The following TGFB2 variants were observed in gnomAD, a reference collection of about 807,000 sequenced individuals.
TGFB2 encodes transforming growth factor beta 2, also known as transforming growth factor beta-2 proprotein.
TGFB2 carries 13 observed loss-of-function variants against 42.7 expected under a neutral mutation model. The observed-to-expected ratio is 0.30, with a 90% confidence interval of 0.20 to 0.48. TGFB2 has a LOEUF of 0.48. Ranked by LOEUF, TGFB2 falls within the 20% of genes least tolerant of loss-of-function variation. The pLI, the probability that TGFB2 is intolerant of heterozygous loss-of-function variation, is 0.99. For synonymous variants in TGFB2, 193 were observed against 193.6 expected, an observed-to-expected ratio of 1.00 and a Z score of 0.03; for missense variants, 390 against 517.5, an observed-to-expected ratio of 0.75 and a Z score of 2.39.
chr1:218,385,731 C>T (rs1015264797), intron 1 of TGFB2, among the ~76,000 whole-genome samples: 1 of 152,232 alleles, frequency 6.6e-6, no homozygotes, highest in Non-Finnish European at 1.5e-5. Context: ...AGCTCAGTCT[C>T]TGAACTCAGT....
At chr1:218,417,625 A>C (rs1379252189) in intron 2 of TGFB2, among the ~76,000 whole-genome samples, 1 of 152,206 alleles carries the variant, frequency 6.6e-6, no homozygotes, top group East Asian at 1.9e-4. Context: ...CAATGGGAAA[A>C]ATGTCTCCAG....
intron 2 of TGFB2, among the ~76,000 whole-genome samples, chr1:218,406,658 G>GT (rs1464802365): frequency 1.3e-5 from 2 of 152,100 alleles, no homozygotes; most frequent in South Asian, 4.1e-4. Flanking sequence ...GCCTTGAGAC[G>GT]TATCTATTAA....
intron 1 of TGFB2, among the ~76,000 whole-genome samples, chr1:218,369,256 G>GAAAAAA (rs34825461): frequency 5.6e-5 from 2 of 35,658 alleles, no homozygotes; most frequent in Non-Finnish European, 1.0e-4. Flanking sequence ...TTCCGTCTCA[G>GAAAAAA]AAAAAAAAAA....
intron 1 of TGFB2, among the ~76,000 whole-genome samples, chr1:218,398,690 C>A (rs1457918301): frequency 6.6e-6 from 1 of 151,972 alleles, no homozygotes; most frequent in African/African-American, 2.4e-5. Flanking sequence ...CGGGTTCAAG[C>A]GATTCTCCTA....
rs146823716 is a variant in TGFB2 at position 218,438,532 on chromosome 1, G to A, written c.1086+1036G>A. 1.6e-4 allele frequency among the ~76,000 whole-genome samples: 25 copies of A among 152,002 alleles called. 1 individual carries two copies. Among genetic ancestry groups the A allele is most frequent in the Admixed American group, 5.9e-4 (9 of 15,272 alleles). On this transcript the variant is annotated intron_variant, in intron 6 of 6. Coordinates refer to ENST00000366930, the MANE Select transcript of TGFB2 (RefSeq NM_003238.6). Reference sequence around the variant, plus strand: ...TGCCAAACTCAAGAGTTGATATGAAGTACAAAAGATGATATACATGAAAAT... The same window carrying A: ...TGCCAAACTCAAGAGTTGATATGAAATACAAAAGATGATATACATGAAAAT...
intron 1 of TGFB2, among the ~76,000 whole-genome samples, chr1:218,354,898 G>T (rs1412265324): frequency 6.6e-6 from 1 of 152,076 alleles, no homozygotes; most frequent in Non-Finnish European, 1.5e-5. Context: ...TAAGACTTTG[G>T]TTGTTTCTGT....
Position 218,434,397 on chromosome 1 carries a change from A to G in TGFB2, c.703A>G (p.Asn235Asp). The G allele has an allele frequency of 6.2e-7, 1 of 1,614,050 alleles. No individual in the cohort carries two copies. Among genetic ancestry groups the G allele is most frequent in the Non-Finnish European group, 8.5e-7 (1 of 1,179,968 alleles). Residue 235 changes from asparagine (N) to aspartate (D), a missense_variant, in exon 4 of 7, where the codon AAT becomes GAT. Coordinates refer to ENST00000366930, the MANE Select transcript of TGFB2 (RefSeq NM_003238.6). ...HCPCCTFVPS[N>D]NYIIPNKSEE... ...TCCCTGCTGCACTTTTGTACCATCT[A>G]ATAATTACATCATCCCAAATAAAAG...
At chr1:218,408,773 C>T (rs1658998826) in intron 2 of TGFB2, among the ~76,000 whole-genome samples, 5 of 152,204 alleles carry the variant, frequency 3.3e-5, no homozygotes, top group Admixed American at 2.6e-4. Flanking sequence ...ACAGCAGGTC[C>T]TTTAGACCAG....
chr1:218,423,435 A>G (rs1053386964), intron 2 of TGFB2, among the ~76,000 whole-genome samples: 1 of 152,178 alleles, frequency 6.6e-6, no homozygotes, highest in Non-Finnish European at 1.5e-5. Flanking sequence ...AAGGGACCTG[A>G]CTTTAGTTTA....
chr1:218,369,456 A>T (rs1657501796), intron 1 of TGFB2, among the ~76,000 whole-genome samples: 1 of 152,056 alleles, frequency 6.6e-6, no homozygotes, highest in Non-Finnish European at 1.5e-5. Context: ...GGCAGGCTAC[A>T]GTGGGTTTTG....
chr1:218,394,460 A>G lies in TGFB2; in HGVS notation c.347-10709A>G, dbSNP rs114362905. 2.8e-3 allele frequency among the ~76,000 whole-genome samples: 425 copies of G among 152,170 alleles called. 2 individuals are homozygous for G. Among genetic ancestry groups the G allele is most frequent in the South Asian group, 6.2e-3 (30 of 4,824 alleles). Reference sequence around the variant, plus strand: ...AAACTAAACACCATGGGCCGGCACCACTGTTATTTTACTTTTTTTTTGCGC... The same window carrying G: ...AAACTAAACACCATGGGCCGGCACCGCTGTTATTTTACTTTTTTTTTGCGC... On this transcript the variant is annotated intron_variant, in intron 1 of 6. Transcript: ENST00000366930.
intron 1 of TGFB2, among the ~76,000 whole-genome samples, chr1:218,381,259 T>G (rs904740156): frequency 1.3e-4 from 7 of 54,690 alleles, no homozygotes; most frequent in Admixed American, 5.1e-4. Flanking sequence ...TTTGTTTTTG[T>G]TTTTTTTTTT....
intron 2 of TGFB2, among the ~76,000 whole-genome samples, chr1:218,413,283 G>C (rs907934882): frequency 2.0e-5 from 3 of 152,106 alleles, no homozygotes; most frequent in African/African-American, 7.2e-5. Context: ...TGAGGCAGGA[G>C]AATCACTTGA....
intron 1 of TGFB2, among the ~76,000 whole-genome samples, chr1:218,350,184 G>C (rs537173662): frequency 2.0e-4 from 31 of 152,286 alleles, no homozygotes; most frequent in Middle Eastern, 3.4e-3. Flanking sequence ...TAGAGAGTCC[G>C]ACAATCAAAA....
At chr1:218,358,135 A>C (rs1321753641) in intron 1 of TGFB2, among the ~76,000 whole-genome samples, 1 of 152,168 alleles carries the variant, frequency 6.6e-6, no homozygotes, top group African/African-American at 2.4e-5. Flanking sequence ...AAGAATGCAA[A>C]ATTTGGTTTT....
chr1:218,403,561 G>A (rs763022307), intron 1 of TGFB2, among the ~76,000 whole-genome samples: 14 of 152,144 alleles, frequency 9.2e-5, no homozygotes, highest in Non-Finnish European at 1.8e-4. Context: ...AGAAGTTAGT[G>A]TTGCCAACAG....
At chr1:218,393,968 G>A (rs1189241472) in intron 1 of TGFB2, among the ~76,000 whole-genome samples, 11 of 150,950 alleles carry the variant, frequency 7.3e-5, no homozygotes, top group African/African-American at 1.2e-4. Flanking sequence ...GTCCAGTGGC[G>A]CAATCTCGGC....
intron 2 of TGFB2, among the ~76,000 whole-genome samples, chr1:218,415,016 G>A (rs1241712564): frequency 6.6e-6 from 1 of 152,134 alleles, no homozygotes; most frequent in East Asian, 1.9e-4. Flanking sequence ...TGATCAGGGT[G>A]GGTGCAAGGC....
intron 1 of TGFB2, among the ~76,000 whole-genome samples, chr1:218,399,898 A>G (rs889233707): frequency 2.6e-5 from 4 of 152,178 alleles, no homozygotes; most frequent in Non-Finnish European, 5.9e-5. Context: ...AATTTGTGCT[A>G]GACCCAGCGC....
Sources: gnomAD v4.1 joint callset for allele counts (sites outside exome capture counted in the v4.1 genomes callset) on GRCh38, gnomAD v4.1.1 for gene constraint, MANE v1.5 for transcripts, NCBI Gene and HGNC (gene_info 2026-07-23, HGNC 2026-07-21) for gene names.